Variants in LRRC7 observed in about 807,000 individuals in gnomAD.
The protein encoded by LRRC7 is leucine-rich repeat-containing protein 7.
LRRC7 carries 23 observed loss-of-function variants against 175.7 expected under a neutral mutation model. The ratio of observed to expected loss-of-function variants is 0.13; its 90% CI spans 0.09 to 0.19. LRRC7 has a LOEUF of 0.19. Ranked by LOEUF, LRRC7 falls within the 10% of genes least tolerant of loss-of-function variation. The pLI is 1.00. For synonymous variants in LRRC7, 685 were observed against 680.9 expected, an observed-to-expected ratio of 1.01 and a Z score of -0.09; for missense variants, 1,354 against 1,904.7, an observed-to-expected ratio of 0.71 and a Z score of 5.38.
rs187723777 is a variant in LRRC7, at chr1:69,734,332, A to C, written c.101-25859A>C. 4.3e-3 allele frequency among the ~76,000 whole-genome samples: 655 copies of C among 151,990 alleles called. 5 individuals are homozygous for C. Among genetic ancestry groups the C allele is most frequent in the African/African-American group, 0.015 (636 of 41,536 alleles). Reference sequence around the variant, plus strand: ...TGAGAAGGGATGATTTTGAATATGCAGTTTGTTGAGCTTTTTTTACTCTTA... The same window carrying C: ...TGAGAAGGGATGATTTTGAATATGCCGTTTGTTGAGCTTTTTTTACTCTTA... On this transcript the variant is annotated intron_variant, in intron 2 of 26. Transcript: ENST00000651989.
intron 7 of LRRC7, among the ~76,000 whole-genome samples, chr1:69,860,744 G>T (rs999117691): frequency 1.5e-4 from 23 of 151,962 alleles, no homozygotes; most frequent in African/African-American, 4.1e-4. Context: ...AAAGGCATAT[G>T]CTTCTGAAAT....
intron 2 of LRRC7, among the ~76,000 whole-genome samples, chr1:69,710,104 C>T (rs1212488259): frequency 1.3e-5 from 2 of 151,602 alleles, no homozygotes; most frequent in Non-Finnish European, 2.9e-5. Context: ...AGTGAAACCC[C>T]ATATTTACTA....
chr1:69,695,454 G>A (rs1214177417), intron 2 of LRRC7, among the ~76,000 whole-genome samples: 1 of 152,188 alleles, frequency 6.6e-6, no homozygotes, highest in Admixed American at 6.5e-5. Context: ...TTCACAGCCT[G>A]GCCATGTGAT....
chr1:69,833,578 A>C (rs771412865), intron 5 of LRRC7, among the ~76,000 whole-genome samples: 10 of 152,278 alleles, frequency 6.6e-5, no homozygotes, highest in Non-Finnish European at 1.0e-4. Context: ...ATATATACAT[A>C]CAAGAAAGTA....
Position 70,076,126 on chromosome 1 carries a change from G to A in LRRC7, c.4280G>A (p.Arg1427His), listed in dbSNP as rs762934778. The A allele has an allele frequency of 6.8e-6, 11 of 1,613,946 alleles. 1 individual carries two copies. Among genetic ancestry groups the A allele is most frequent in the East Asian group, 4.5e-5 (2 of 44,874 alleles). ...TLMGSQSLQH[R>H]SREQQPYEGN... Reference sequence around the variant, plus strand: ...ATGGGGTCCCAAAGCCTTCAGCATCGCAGCCGGGAGCAGCAGCCGTATGAA... The same window carrying A: ...ATGGGGTCCCAAAGCCTTCAGCATCACAGCCGGGAGCAGCAGCCGTATGAA... The change falls in exon 24 of 27, where the codon CGC becomes CAC. Residue 1427 changes from arginine to histidine, a missense_variant. Arg to His is a conservative substitution (Grantham distance 29). Coordinates refer to ENST00000651989, the MANE Select transcript of LRRC7 (RefSeq NM_001370785.2).
chr1:69,990,520 T>C (rs949122870), intron 10 of LRRC7, among the ~76,000 whole-genome samples: 1 of 152,130 alleles, frequency 6.6e-6, no homozygotes, highest in African/African-American at 2.4e-5. Context: ...GAATCTTTTA[T>C]ATTTAAAATG....
chr1:69,922,048 T>C lies in LRRC7; in HGVS notation c.648-9459T>C, dbSNP rs142616187. ...TCAAGCAATTCTCCTGCCTCAACCT[T>C]CTGAGTAGCTGGGATTATAGGCACC... On this transcript the variant is annotated intron_variant, in intron 7 of 26. Transcript: ENST00000651989. Among the ~76,000 whole-genome samples the C allele has an allele frequency of 8.2e-3, 1,249 of 152,144 alleles. 16 individuals are homozygous for C. Among genetic ancestry groups the C allele is most frequent in the African/African-American group, 0.028 (1,145 of 41,524 alleles).
In LRRC7 at chr1:69,905,221, G is replaced by T. The variant is rs151249703; in HGVS notation, c.648-26286G>T. On this transcript the variant is annotated intron_variant, in intron 7 of 26. Transcript: ENST00000651989. ...GTATATATCCAATAATGGGATTGCT[G>T]GATCAAATGGTAATTCTGTTGTAAG... Among the ~76,000 whole-genome samples the T allele has an allele frequency of 4.8e-3, 729 of 151,388 alleles. 10 individuals carry two copies. Among genetic ancestry groups the T allele is most frequent in the African/African-American group, 0.016 (674 of 41,450 alleles).
intron 2 of LRRC7, chr1:69,716,309 A>C: frequency 2.4e-6 from 1 of 410,288 alleles, no homozygotes; most frequent in Non-Finnish European, 4.5e-6. Flanking sequence ...TAGTCTTGTA[A>C]TTTTAAATTT....
intron 7 of LRRC7, among the ~76,000 whole-genome samples, chr1:69,925,423 C>T (rs1465121633): frequency 1.3e-5 from 2 of 152,168 alleles, no homozygotes; most frequent in Admixed American, 6.5e-5. Flanking sequence ...GTGAATCCAT[C>T]TGGTCCTGGA....
chr1:70,000,825 C>T (rs1467124466), intron 11 of LRRC7, among the ~76,000 whole-genome samples: 2 of 152,110 alleles, frequency 1.3e-5, no homozygotes, highest in African/African-American at 4.8e-5. Flanking sequence ...TGGGTTCTGC[C>T]CTTGTCACAA....
chr1:69,844,407 T>C (rs1682102580), intron 7 of LRRC7, among the ~76,000 whole-genome samples: 1 of 152,174 alleles, frequency 6.6e-6, no homozygotes, highest in African/African-American at 2.4e-5. Flanking sequence ...TCTGTGAGTC[T>C]GACCATTTTA....
chr1:69,942,566 A>G (rs768706645), intron 8 of LRRC7, among the ~76,000 whole-genome samples: 1 of 151,936 alleles, frequency 6.6e-6, no homozygotes, highest in Non-Finnish European at 1.5e-5. Context: ...AGGAGAATCC[A>G]TTTCTTCTCT....
At chr1:69,967,275 CCCACAGCAG>C (rs1247354588) in intron 8 of LRRC7, among the ~76,000 whole-genome samples, 1 of 152,074 alleles carries the variant, frequency 6.6e-6, no homozygotes, top group East Asian at 1.9e-4. Flanking sequence ...ACCCACATCC[CCCACAGCAG>C]CCACAGCAAG....
intron 3 of LRRC7, among the ~76,000 whole-genome samples, chr1:69,774,650 A>G (rs11808152): frequency 0.045 from 6,917 of 152,266 alleles, 256 homozygotes; most frequent in African/African-American, 0.095. Context: ...CTTTAAATAT[A>G]CATATTACAT....
chr1:70,052,354 C>A (rs138793753), intron 22 of LRRC7, among the ~76,000 whole-genome samples: 1 of 151,504 alleles, frequency 6.6e-6, no homozygotes, highest in Non-Finnish European at 1.5e-5. Flanking sequence ...ATATTTATGA[C>A]GAGTTTAAAT....
intron 23 of LRRC7, among the ~76,000 whole-genome samples, chr1:70,057,977 T>A (rs1452650073): frequency 6.6e-6 from 1 of 152,016 alleles, no homozygotes; most frequent in Non-Finnish European, 1.5e-5. Context: ...GTGGTAGATT[T>A]TATTTCTCTC....
intron 2 of LRRC7, among the ~76,000 whole-genome samples, chr1:69,733,201 G>GAATT (rs1667769460): frequency 3.9e-5 from 6 of 152,074 alleles, no homozygotes; most frequent in African/African-American, 1.2e-4. Flanking sequence ...ATTGAGACTA[G>GAATT]GATTCACTTC....
intron 7 of LRRC7, among the ~76,000 whole-genome samples, chr1:69,846,226 A>C (rs780303176): frequency 8.5e-5 from 13 of 152,104 alleles, no homozygotes; most frequent in Non-Finnish European, 1.5e-4. Context: ...CACAAAGAAA[A>C]CACTGAGTTC....
Sources: gnomAD v4.1 joint callset for allele counts (sites outside exome capture counted in the v4.1 genomes callset) on GRCh38, gnomAD v4.1.1 for gene constraint, MANE v1.5 for transcripts, NCBI Gene and HGNC (gene_info 2026-07-23, HGNC 2026-07-21) for gene names.